Variants in WWOX observed in about 807,000 individuals in gnomAD.
WWOX encodes the protein WW domain-containing oxidoreductase.
WWOX carries 69 observed loss-of-function variants against 46.2 expected under a neutral mutation model. The observed-to-expected ratio is 1.49, with a 90% CI of 1.23 to 1.82. The LOEUF is 1.82. Among genes scored for constraint, WWOX ranks in the 40% most tolerant of loss-of-function variants. The pLI is 0.00. For synonymous variants in WWOX, 359 were observed against 202.6 expected (o/e 1.77, Z -6.56); for missense variants, 919 against 542.6 (o/e 1.69, Z -6.89).
chr16:78,368,295 G>A (rs182276819), intron 5 of WWOX, among the ~76,000 whole-genome samples: 2 of 152,172 alleles, frequency 1.3e-5, no homozygotes, highest in African/African-American at 4.8e-5. Context: ...TCCTATATGA[G>A]TGATGACAGG....
intron 6 of WWOX, among the ~76,000 whole-genome samples, chr16:78,421,959 T>A (rs2082943533): frequency 6.6e-6 from 1 of 152,190 alleles, no homozygotes; most frequent in South Asian, 2.1e-4. Flanking sequence ...CAGGAATATA[T>A]ATTCCCACCA....
At chr16:78,936,609 G>C (rs1056498968) in intron 8 of WWOX, among the ~76,000 whole-genome samples, 1 of 152,100 alleles carries the variant, frequency 6.6e-6, no homozygotes, top group East Asian at 1.9e-4. Flanking sequence ...CCTGGGCAAG[G>C]TCCACAGGCT....
chr16:78,332,362 T>A (rs914001308), intron 5 of WWOX, among the ~76,000 whole-genome samples: 5 of 152,192 alleles, frequency 3.3e-5, no homozygotes, highest in African/African-American at 1.2e-4. Flanking sequence ...GAGTGCCTTC[T>A]AGCCAAGAAT....
At chr16:78,101,233 G>T (rs1045193352) in intron 1 of WWOX, among the ~76,000 whole-genome samples, 1 of 150,958 alleles carries the variant, frequency 6.6e-6, no homozygotes, top group Admixed American at 6.6e-5. Flanking sequence ...GTTTTTAGTA[G>T]AGACGGGGTT....
At position 78,513,894 on chromosome 16, in the gene WWOX, TC is replaced by T. The variant is rs34101872; in HGVS notation, c.1056+81154del. On this transcript the variant is annotated intron_variant, in intron 8 of 8. Transcript: ENST00000566780. ...TCTAAATTTATATTACAGTTCCCAC[TC>T]CCCCCCCCCCCACTTGTATCACTTT... Among the ~76,000 whole-genome samples, 704 of 116,306 alleles carry T rather than the reference TC, an allele frequency of 6.1e-3. 13 individuals carry two copies. Among genetic ancestry groups the T allele is most frequent in the African/African-American group, 0.021 (480 of 23,248 alleles). 76.3% of individuals were successfully genotyped at this position (116,306 alleles called of 152,430 possible).
At chr16:78,850,780 T>A (rs1256322148) in intron 8 of WWOX, among the ~76,000 whole-genome samples, 1 of 152,198 alleles carries the variant, frequency 6.6e-6, no homozygotes, top group Admixed American at 6.5e-5. Flanking sequence ...CAAACAGATA[T>A]TGATACCCCT....
intron 8 of WWOX, chr16:78,506,680 T>C (rs2151481231): frequency 1.3e-5 from 2 of 148,260 alleles, no homozygotes; most frequent in East Asian, 4.0e-4. Flanking sequence ...GCTCAAGATC[T>C]CTACCTTTTT....
chr16:79,044,902 G>A (rs1269445136), intron 8 of WWOX, among the ~76,000 whole-genome samples: 1 of 152,084 alleles, frequency 6.6e-6, no homozygotes, highest in Non-Finnish European at 1.5e-5. Flanking sequence ...TGTAGAATGA[G>A]GCTAATGCTA....
chr16:78,633,271 C>G (rs911480857), intron 8 of WWOX, among the ~76,000 whole-genome samples: 4 of 151,988 alleles, frequency 2.6e-5, no homozygotes, highest in Admixed American at 2.0e-4. Flanking sequence ...CAAAACAAAA[C>G]AAAACAAAAA....
intron 8 of WWOX, among the ~76,000 whole-genome samples, chr16:78,937,608 T>C (rs201107208): frequency 0.02 from 2,795 of 140,614 alleles, 84 homozygotes; most frequent in East Asian, 0.078. Flanking sequence ...GAGCTTTATT[T>C]ATTTATTTAT....
intron 8 of WWOX, among the ~76,000 whole-genome samples, chr16:78,678,466 A>G (rs968747729): frequency 1.3e-5 from 2 of 152,186 alleles, no homozygotes; most frequent in African/African-American, 2.4e-5. Flanking sequence ...TTCAACAAAC[A>G]TTTGAGCACC....
chr16:78,706,290 C>T (rs1235201256), intron 8 of WWOX, among the ~76,000 whole-genome samples: 1 of 152,072 alleles, frequency 6.6e-6, no homozygotes. Flanking sequence ...GTCAGTCTCA[C>T]ACACATCCTT....
At chr16:78,835,204 C>A (rs563368090) in intron 8 of WWOX, among the ~76,000 whole-genome samples, 1 of 152,068 alleles carries the variant, frequency 6.6e-6, no homozygotes, top group Non-Finnish European at 1.5e-5. Flanking sequence ...ATTATAGTGG[C>A]CTTCTTACCA....
chr16:78,400,945 C>G (rs55647046), intron 6 of WWOX, among the ~76,000 whole-genome samples: 3 of 152,142 alleles, frequency 2.0e-5, no homozygotes, highest in Non-Finnish European at 2.9e-5. Flanking sequence ...CACTCAGCCT[C>G]CTGAGTAGTT....
intron 8 of WWOX, among the ~76,000 whole-genome samples, chr16:79,156,290 T>C (rs181686188): frequency 6.6e-6 from 1 of 152,338 alleles, no homozygotes; most frequent in East Asian, 1.9e-4. Context: ...ACCTCCAGAA[T>C]AGCTAAGACC....
At chr16:78,538,715 T>G (rs2043818883) in intron 8 of WWOX, among the ~76,000 whole-genome samples, 1 of 152,222 alleles carries the variant, frequency 6.6e-6, no homozygotes, top group Admixed American at 6.5e-5. Flanking sequence ...AGGGACCAGG[T>G]TAATCTTATT....
rs141591649 is a variant in WWOX at position 78,950,533 on chromosome 16, TACAC to T, written c.1057-261046_1057-261043del. On this transcript the variant is annotated intron_variant, in intron 8 of 8. Coordinates refer to ENST00000566780, the MANE Select transcript of WWOX (RefSeq NM_016373.4). ...TATTAAAGGAACACACACACACACA[TACAC>T]ACACACACACACACACACACACACA... 7.0e-3 allele frequency among the ~76,000 whole-genome samples: 1,031 copies of T among 147,004 alleles called. 9 individuals are homozygous for T. The highest frequency in any genetic ancestry group is 0.02 in the African/African-American group (802 of 39,856).
chr16:78,713,086 A>G (rs1208306743), intron 8 of WWOX, among the ~76,000 whole-genome samples: 1 of 151,704 alleles, frequency 6.6e-6, no homozygotes, highest in African/African-American at 2.4e-5. Flanking sequence ...CCAGGGTAAC[A>G]TAGGGAGACC....
Position 78,938,270 on chromosome 16 carries a change from G to C in WWOX, c.1057-273338G>C, listed in dbSNP as rs148594165. ...GTGAGGTGGGGAAAGACAGGAAGTAGATCAGTGTTGCCCAGACCCTACCTT... is the reference window on the plus strand; with the variant it reads ...GTGAGGTGGGGAAAGACAGGAAGTACATCAGTGTTGCCCAGACCCTACCTT... On this transcript the variant is annotated intron_variant, in intron 8 of 8. Coordinates refer to ENST00000566780, the MANE Select transcript of WWOX (RefSeq NM_016373.4). Among the ~76,000 whole-genome samples the C allele has an allele frequency of 7.2e-4, 110 of 152,332 alleles. 1 individual carries two copies. The South Asian group carries it at 0.015, about 21-fold the overall frequency.
Sources: gnomAD v4.1 joint callset for allele counts (sites outside exome capture counted in the v4.1 genomes callset) on GRCh38, gnomAD v4.1.1 for gene constraint, MANE v1.5 for transcripts, NCBI Gene and HGNC (gene_info 2026-07-23, HGNC 2026-07-21) for gene names.